The following KCNQ3 variants were observed in gnomAD, a reference collection of about 807,000 sequenced individuals.
The protein encoded by KCNQ3 is potassium voltage-gated channel subfamily KQT member 3.
KCNQ3 carries 30 observed loss-of-function variants against 92.5 expected under a neutral mutation model. That is an observed-to-expected ratio of 0.32 (90% CI 0.24 to 0.44). KCNQ3 has a LOEUF of 0.44. Among genes scored for constraint, KCNQ3 ranks in the 20% least tolerant of loss-of-function variants. KCNQ3 has a pLI of 1.00. For missense variants in KCNQ3, 913 were observed against 1,140.3 expected (o/e 0.80, Z 2.87); for synonymous variants, 450 against 468.8 (o/e 0.96, Z 0.52).
At chr8:132,187,493 A>G (rs1027306484) in intron 1 of KCNQ3, among the ~76,000 whole-genome samples, 5 of 152,334 alleles carry the variant, frequency 3.3e-5, no homozygotes, top group East Asian at 3.9e-4. Context: ...TGTGTCTCCA[A>G]TCATGCCCAG....
intron 1 of KCNQ3, among the ~76,000 whole-genome samples, chr8:132,462,954 G>A (rs563800162): frequency 2.5e-4 from 38 of 151,780 alleles, no homozygotes; most frequent in Non-Finnish European, 3.5e-4. Context: ...ACACACACAC[G>A]TATACATATA....
intron 9 of KCNQ3, among the ~76,000 whole-genome samples, chr8:132,153,132 G>A (rs1825687998): frequency 6.6e-6 from 1 of 152,136 alleles, no homozygotes; most frequent in African/African-American, 2.4e-5. Flanking sequence ...AGCAATCTCT[G>A]GCTGCAGCTC....
chr8:132,356,962 T>A (rs1819034827), intron 1 of KCNQ3, among the ~76,000 whole-genome samples: 1 of 152,084 alleles, frequency 6.6e-6, no homozygotes, highest in Admixed American at 6.6e-5. Flanking sequence ...GGTTTTACAG[T>A]CACGTGGCTC....
intron 1 of KCNQ3, among the ~76,000 whole-genome samples, chr8:132,410,889 C>T (rs1235094089): frequency 6.6e-6 from 1 of 152,204 alleles, no homozygotes; most frequent in Non-Finnish European, 1.5e-5. Context: ...CAGCAGCCAT[C>T]ACCTGTCCCC....
At chr8:132,287,870 T>C (rs912437961) in intron 1 of KCNQ3, among the ~76,000 whole-genome samples, 11 of 152,174 alleles carry the variant, frequency 7.2e-5, no homozygotes, top group Non-Finnish European at 1.5e-4. Flanking sequence ...ATAGAGGTGA[T>C]GGTTGCACAA....
At chr8:132,336,764 T>C (rs1818376979) in intron 1 of KCNQ3, among the ~76,000 whole-genome samples, 4 of 152,364 alleles carry the variant, frequency 2.6e-5, no homozygotes, top group East Asian at 1.9e-4. Flanking sequence ...CCAGTGCCTA[T>C]TGAATCTTTT....
intron 1 of KCNQ3, among the ~76,000 whole-genome samples, chr8:132,299,161 C>CAT (rs35617146): frequency 0.19 from 26,341 of 139,852 alleles, 2,312 homozygotes; most frequent in South Asian, 0.35. Context: ...GCACATAGTA[C>CAT]ATATATATAT....
intron 8 of KCNQ3, among the ~76,000 whole-genome samples, chr8:132,164,880 A>T (rs116692616): frequency 0.013 from 1,987 of 151,158 alleles, 41 homozygotes; most frequent in African/African-American, 0.045. Context: ...GATGACCTTG[A>T]CTCCCCTCTC....
At chr8:132,209,876 T>A (rs982350065) in intron 1 of KCNQ3, among the ~76,000 whole-genome samples, 1 of 152,204 alleles carries the variant, frequency 6.6e-6, no homozygotes, top group African/African-American at 2.4e-5. Flanking sequence ...GACATCACCC[T>A]GTCATAATTC....
chr8:132,433,898 GTAAA>G (rs1183434093), intron 1 of KCNQ3, among the ~76,000 whole-genome samples: 5 of 133,820 alleles, frequency 3.7e-5, no homozygotes, highest in East Asian at 2.3e-4. Context: ...TCAAAACTAA[GTAAA>G]TAAATAAAAT....
intron 1 of KCNQ3, among the ~76,000 whole-genome samples, chr8:132,251,389 G>A (rs997463211): frequency 1.3e-5 from 2 of 152,254 alleles, no homozygotes; most frequent in Non-Finnish European, 2.9e-5. Flanking sequence ...CATTCACTGT[G>A]AGGATGACCC....
At chr8:132,358,283 C>A (rs1036043822) in intron 1 of KCNQ3, among the ~76,000 whole-genome samples, 2 of 152,164 alleles carry the variant, frequency 1.3e-5, no homozygotes, top group South Asian at 2.1e-4. Context: ...TCTGAGAAGT[C>A]CTAGCACTGC....
intron 1 of KCNQ3, among the ~76,000 whole-genome samples, chr8:132,284,281 T>C (rs753856664): frequency 6.6e-6 from 1 of 152,212 alleles, no homozygotes; most frequent in Non-Finnish European, 1.5e-5. Context: ...TTGTTATTCC[T>C]GGTCCAGTGA....
At position 132,122,802 on chromosome 8, in the gene KCNQ3, G is replaced by A. The variant is rs763946605; in HGVS notation, c.*6460C>T. The A allele has an allele frequency of 3.8e-4, 58 of 152,092 alleles. No individual in the cohort carries two copies. Among genetic ancestry groups the A allele is most frequent in the African/African-American group, 1.0e-3 (43 of 41,554 alleles). The allele number at this position is 152,092 out of a possible 1,614,324, so 9.4% of individuals were successfully genotyped here. On this transcript the variant is annotated 3_prime_UTR_variant, in exon 15 of 15. Coordinates refer to ENST00000388996, the MANE Select transcript of KCNQ3 (RefSeq NM_004519.4). The stretch of plus-strand genomic sequence containing the variant: ...TGCCAAATTCTGGCCGATTTATCCC[G>A]AGAACAATGTAAGTGGAAACTAACA...
rs1338048827 is a variant in KCNQ3, at chr8:132,442,512, G to A, written c.386+37635C>T. ...GGTGCCTAGCACAGAGTCTGGCAAC[G>A]AGTAAGGGCTAAAATGTATTTTCAG... On this transcript the variant is annotated intron_variant, in intron 1 of 14. Transcript: ENST00000388996. Among the ~76,000 whole-genome samples, 5 of 152,136 alleles carry A rather than the reference G, an allele frequency of 3.3e-5. No individual in the cohort carries two copies. In the East Asian group the frequency reaches 5.8e-4, roughly 18 times the overall value.
In KCNQ3 at chr8:132,419,148, C is replaced by T. The variant is rs957443247; in HGVS notation, c.386+60999G>A. Among the ~76,000 whole-genome samples the T allele has an allele frequency of 4.6e-5, 7 of 152,310 alleles. 1 individual carries two copies. The highest frequency in any genetic ancestry group is 4.6e-4 in the Admixed American group (7 of 15,294). On this transcript the variant is annotated intron_variant, in intron 1 of 14. Transcript: ENST00000388996. ...GTCCAAAAGCCTAATACTTCGGGAA[C>T]TAAGGCATGGCAGCACTCTTTGAAG... is the stretch of plus-strand genomic sequence containing the variant.
chr8:132,206,498 C>T (rs1263211955), intron 1 of KCNQ3, among the ~76,000 whole-genome samples: 1 of 152,148 alleles, frequency 6.6e-6, no homozygotes, highest in African/African-American at 2.4e-5. Flanking sequence ...TCATCTGTCC[C>T]CTTTCCAGAC....
chr8:132,220,867 C>G (rs1003497186), intron 1 of KCNQ3, among the ~76,000 whole-genome samples: 1 of 151,706 alleles, frequency 6.6e-6, no homozygotes, highest in Admixed American at 6.6e-5. Context: ...GCACAATGTG[C>G]AGGTTTGTTA....
At chr8:132,340,604 C>T (rs1302784328) in intron 1 of KCNQ3, among the ~76,000 whole-genome samples, 1 of 151,874 alleles carries the variant, frequency 6.6e-6, no homozygotes, top group Non-Finnish European at 1.5e-5. Context: ...CACACCAGGG[C>T]CTATTGGGGG....
Sources: gnomAD v4.1 joint callset for allele counts (sites outside exome capture counted in the v4.1 genomes callset) on GRCh38, gnomAD v4.1.1 for gene constraint, MANE v1.5 for transcripts, NCBI Gene and HGNC (gene_info 2026-07-23, HGNC 2026-07-21) for gene names.